COMT: variants seen among roughly 807,000 people sequenced by gnomAD.
COMT encodes the protein catechol-O-methyltransferase.
Under a neutral mutation model 18.9 loss-of-function variants are expected in COMT, and 13 were observed. That is an observed-to-expected ratio of 0.69 (90% CI 0.45 to 1.09). The LOEUF (loss-of-function observed/expected upper bound fraction) is 1.09, where lower values mean the gene tolerates loss of function less well. Among genes scored for constraint, COMT ranks in the 50% least tolerant of loss-of-function variants. The probability of loss-of-function intolerance (pLI) is 0.00; values close to 1 mark genes in which losing one functional copy is unlikely to be tolerated. For synonymous variants in COMT, 150 were observed against 160.9 expected (o/e 0.93, Z 0.51); for missense variants, 329 against 361.8 (o/e 0.91, Z 0.73).
intron 1 of COMT, among the ~76,000 whole-genome samples, chr22:19,944,924 C>T (rs985395241): frequency 3.3e-5 from 5 of 152,238 alleles, no homozygotes; most frequent in African/African-American, 1.2e-4. Flanking sequence ...TGAAGCATAG[C>T]ATTTCTCTTT....
intron 1 of COMT, among the ~76,000 whole-genome samples, chr22:19,943,860 T>G (rs1332518358): frequency 6.6e-6 from 1 of 150,942 alleles, no homozygotes; most frequent in Non-Finnish European, 1.5e-5. Context: ...ATCCCAGTTG[T>G]GGTTACTTTC....
Position 19,949,486 on chromosome 22 carries a change from A to G in COMT, c.-92+7589A>G, listed in dbSNP as rs370533166. 8.1e-4 allele frequency among the ~76,000 whole-genome samples: 124 copies of G among 152,304 alleles called. No homozygotes were observed. The South Asian group carries it at 0.011, about 14-fold the overall frequency. ...ATTCTTTGCATACTTTTCATATAAA[A>G]ACACATCCTATCTTCCTCCCATACT... On this transcript the variant is annotated intron_variant, in intron 1 of 5. Coordinates refer to ENST00000361682, the MANE Select transcript of COMT (RefSeq NM_000754.4).
chr22:19,962,228 T>G, intron 2 of COMT: 2 of 481,962 alleles, frequency 4.1e-6, no homozygotes, highest in Non-Finnish European at 7.6e-6. Flanking sequence ...TTTGTGTGGT[T>G]TTAGAGGATC....
chr22:19,968,521 C>A lies in COMT; in HGVS notation c.616-15C>A. The A allele has an allele frequency of 6.2e-7, 1 of 1,612,582 alleles. No individual in the cohort carries two copies. Among genetic ancestry groups the A allele is most frequent in the Non-Finnish European group, 8.5e-7 (1 of 1,179,444 alleles). ...CTCTGACCCTCACCTCCCCCACCCC[C>A]CGGTCTGTTTGCAGGAATGTGGCCT... is the stretch of plus-strand genomic sequence containing the variant. On this transcript the variant is annotated splice_polypyrimidine_tract_variant and intron_variant, in intron 5 of 5. Coordinates refer to ENST00000361682, the MANE Select transcript of COMT (RefSeq NM_000754.4).
Position 19,962,781 on chromosome 22 carries a change from G to A in COMT, c.255G>A (p.Gln85=), listed in dbSNP as rs757073571. 6.2e-7 allele frequency: 1 copy of A among 1,609,276 alleles called. No homozygotes were observed. The highest frequency in any genetic ancestry group is 1.1e-5 in the South Asian group (1 of 91,030). ...VLEAIDTYCE[Q]KEWAMNVGDK... ...AGGCCATTGACACCTACTGCGAGCA[G>A]AAGGAGTGGGCCATGAACGTGGGCG... is the stretch of plus-strand genomic sequence containing the variant. Residue 85 remains glutamine, a synonymous_variant, in exon 3 of 6, where the codon CAG becomes CAA. Coordinates refer to ENST00000361682, the MANE Select transcript of COMT (RefSeq NM_000754.4).
At chr22:19,955,770 T>G (rs1224983646) in intron 1 of COMT, among the ~76,000 whole-genome samples, 1 of 152,266 alleles carries the variant, frequency 6.6e-6, no homozygotes, top group Non-Finnish European at 1.5e-5. Flanking sequence ...GCATTGGTTC[T>G]GTGTTCTGGA....
chr22:19,958,618 T>A (rs1942118063), intron 1 of COMT, among the ~76,000 whole-genome samples: 1 of 141,840 alleles, frequency 7.1e-6, no homozygotes, highest in South Asian at 2.2e-4. Flanking sequence ...CGGTGGCTCA[T>A]GCATGTAATC....
intron 5 of COMT, among the ~76,000 whole-genome samples, chr22:19,966,099 G>A (rs901947364): frequency 6.6e-6 from 1 of 152,234 alleles, no homozygotes; most frequent in South Asian, 2.1e-4. Flanking sequence ...AGTTTTCTCA[G>A]TGCTGCTTGC....
chr22:19,952,671 A>T (rs539583599), intron 1 of COMT, among the ~76,000 whole-genome samples: 1 of 145,312 alleles, frequency 6.9e-6, no homozygotes, highest in Non-Finnish European at 1.5e-5. Flanking sequence ...AAAAAAAAAC[A>T]GCCGAGCGCA....
At position 19,945,918 on chromosome 22, in the gene COMT, G is replaced by A. The variant is rs979686481; in HGVS notation, c.-92+4021G>A. Among the ~76,000 whole-genome samples, 14 of 152,274 alleles carry A rather than the reference G, an allele frequency of 9.2e-5. No individual in the cohort carries two copies. The East Asian group carries it at 2.3e-3, about 25-fold the overall frequency. ...CAGACCTCGTGATCCACCCGCCTCG[G>A]CCTCCCAAAGTACTGGGATTACAGG... is the stretch of plus-strand genomic sequence containing the variant. On this transcript the variant is annotated intron_variant, in intron 1 of 5. Coordinates refer to ENST00000361682, the MANE Select transcript of COMT (RefSeq NM_000754.4).
At chr22:19,964,732 C>A in intron 5 of COMT, 1 of 469,336 alleles carries the variant, frequency 2.1e-6, no homozygotes, top group Non-Finnish European at 3.9e-6. Context: ...TCCTGAGGCC[C>A]CATCTTGTGC....
At chr22:19,953,821 G>A (rs112606844) in intron 1 of COMT, among the ~76,000 whole-genome samples, 4 of 152,064 alleles carry the variant, frequency 2.6e-5, no homozygotes, top group Admixed American at 6.5e-5. Context: ...GCTGGGAGCC[G>A]GGACACTGAG....
chr22:19,955,929 C>T (rs1019033149), intron 1 of COMT, among the ~76,000 whole-genome samples: 2 of 152,142 alleles, frequency 1.3e-5, no homozygotes, highest in Non-Finnish European at 2.9e-5. Context: ...CCCAGTCTTT[C>T]TCTCCGTGGC....
At chr22:19,964,809 G>A in intron 5 of COMT, 1 of 313,536 alleles carries the variant, frequency 3.2e-6, no homozygotes, top group Non-Finnish European at 6.1e-6. Context: ...CAGCGGGTGG[G>A]GCTGTCCTCG....
chr22:19,963,161 GGC>G (rs1942240949), intron 3 of COMT, among the ~76,000 whole-genome samples: 1 of 152,132 alleles, frequency 6.6e-6, no homozygotes, highest in Non-Finnish European at 1.5e-5. Context: ...TTCAGCCTGG[GGC>G]ACAGGATGTG....
At chr22:19,952,320 C>T (rs758956379) in intron 1 of COMT, among the ~76,000 whole-genome samples, 18 of 150,416 alleles carry the variant, frequency 1.2e-4, no homozygotes, top group South Asian at 2.1e-4. Flanking sequence ...CCCGCCTGGG[C>T]GACAGAGCAA....
chr22:19,958,899 CA>C (rs201665828), intron 1 of COMT, among the ~76,000 whole-genome samples: 8 of 150,360 alleles, frequency 5.3e-5, no homozygotes, highest in South Asian at 2.1e-4. Context: ...TTCAAAAAAA[CA>C]AAAAAAAAGC....
chr22:19,965,470 T>C (rs1310658757), intron 5 of COMT: 1 of 152,140 alleles, frequency 6.6e-6, no homozygotes, highest in Non-Finnish European at 1.5e-5. Context: ...GCCTCCTGAG[T>C]AGCTGGGACT....
intron 1 of COMT, among the ~76,000 whole-genome samples, chr22:19,943,715 TGATAAA>T (rs1474261298): frequency 6.6e-6 from 1 of 151,956 alleles, no homozygotes; most frequent in Non-Finnish European, 1.5e-5. Flanking sequence ...ATGGAGCTGT[TGATAAA>T]CCCAGTTTTT....
Sources: gnomAD v4.1 joint callset for allele counts (sites outside exome capture counted in the v4.1 genomes callset) on GRCh38, gnomAD v4.1.1 for gene constraint, MANE v1.5 for transcripts, NCBI Gene and HGNC (gene_info 2026-07-23, HGNC 2026-07-21) for gene names.